Variants in ZMAT4 observed in about 807,000 individuals in gnomAD.
The protein encoded by ZMAT4 is zinc finger matrin-type 4, also known as zinc finger matrin-type protein 4.
ZMAT4 carries 17 observed loss-of-function variants against 28.7 expected under a neutral mutation model. The observed-to-expected ratio is 0.59, with a 90% CI of 0.41 to 0.89. The LOEUF (loss-of-function observed/expected upper bound fraction) is 0.89. ZMAT4 is among the 40% of genes least tolerant of loss of function. The pLI is 0.00. For missense variants in ZMAT4, 240 were observed against 283.8 expected (o/e 0.85, Z 1.11); for synonymous variants, 117 against 109.2 (o/e 1.07, Z -0.44).
intron 5 of ZMAT4, among the ~76,000 whole-genome samples, chr8:40,639,537 G>A (rs1236501804): frequency 6.6e-6 from 1 of 151,998 alleles, no homozygotes. Flanking sequence ...CATTTTTCTT[G>A]GGGTCAAAGT....
At chr8:40,609,700 C>T (rs1805725412) in intron 5 of ZMAT4, among the ~76,000 whole-genome samples, 1 of 151,860 alleles carries the variant, frequency 6.6e-6, no homozygotes. Flanking sequence ...TTTCTTCTTA[C>T]CTATTCTCAC....
intron 2 of ZMAT4, among the ~76,000 whole-genome samples, chr8:40,795,669 T>C (rs538646582): frequency 6.6e-6 from 1 of 152,328 alleles, no homozygotes; most frequent in African/African-American, 2.4e-5. Context: ...GGATATAAAC[T>C]TTCAATCCCC....
At chr8:40,861,933 A>G (rs1421523605) in intron 1 of ZMAT4, among the ~76,000 whole-genome samples, 1 of 152,120 alleles carries the variant, frequency 6.6e-6, no homozygotes, top group Non-Finnish European at 1.5e-5. Flanking sequence ...GGTGCTGGAG[A>G]GGATGTGGAG....
intron 2 of ZMAT4, among the ~76,000 whole-genome samples, chr8:40,795,773 C>T (rs929140650): frequency 1.3e-5 from 2 of 152,286 alleles, no homozygotes; most frequent in East Asian, 1.9e-4. Context: ...AATTGCAAAC[C>T]GATGACATTC....
intron 3 of ZMAT4, among the ~76,000 whole-genome samples, chr8:40,715,457 A>C (rs910360097): frequency 3.3e-5 from 5 of 152,228 alleles, no homozygotes; most frequent in African/African-American, 1.2e-4. Context: ...CCTGAAAGGC[A>C]AGCCTCTAAA....
intron 1 of ZMAT4, among the ~76,000 whole-genome samples, chr8:40,843,801 C>A (rs1229027028): frequency 6.6e-6 from 1 of 152,198 alleles, no homozygotes; most frequent in Non-Finnish European, 1.5e-5. Flanking sequence ...ATGGCAGAAG[C>A]TATCAGAGAA....
intron 4 of ZMAT4, among the ~76,000 whole-genome samples, chr8:40,696,483 T>A (rs1290788839): frequency 6.6e-6 from 1 of 152,224 alleles, no homozygotes; most frequent in Non-Finnish European, 1.5e-5. Flanking sequence ...CTAACCTGTT[T>A]GGTCACATTT....
At position 40,790,274 on chromosome 8, in the gene ZMAT4, TA is replaced by T. The variant is rs1381517618; in HGVS notation, c.103-22545del. Among the ~76,000 whole-genome samples, 3 of 152,350 alleles carry T rather than the reference TA, an allele frequency of 2.0e-5. No homozygotes were observed. In the East Asian group the frequency reaches 5.8e-4, roughly 29 times the overall value. The stretch of plus-strand genomic sequence containing the variant: ...GCAGTAGAAAATACAGAATCTATTT[TA>T]AAAGCTTCTAGATCTAATTGGTAGG... On this transcript the variant is annotated intron_variant, in intron 2 of 6. Transcript: ENST00000297737.
intron 5 of ZMAT4, among the ~76,000 whole-genome samples, chr8:40,650,338 A>C (rs201365084): frequency 0.072 from 10,813 of 149,252 alleles, 773 homozygotes; most frequent in East Asian, 0.42. Context: ...GAAATGGATA[A>C]ATTCCTCGAC....
intron 2 of ZMAT4, among the ~76,000 whole-genome samples, chr8:40,783,998 C>T (rs192459087): frequency 1.6e-4 from 24 of 152,138 alleles, no homozygotes; most frequent in African/African-American, 5.1e-4. Context: ...GCAACAAGAG[C>T]GAAACTCCAT....
At chr8:40,828,406 T>A (rs181944529) in intron 1 of ZMAT4, among the ~76,000 whole-genome samples, 1 of 152,068 alleles carries the variant, frequency 6.6e-6, no homozygotes, top group African/African-American at 2.4e-5. Flanking sequence ...GCACACTCCT[T>A]CCTCATTATA....
chr8:40,696,118 CA>C (rs897259470), intron 4 of ZMAT4, among the ~76,000 whole-genome samples: 4 of 152,142 alleles, frequency 2.6e-5, no homozygotes, highest in Non-Finnish European at 5.9e-5. Flanking sequence ...TGCCCCCAAA[CA>C]TACTGAGCTT....
intron 6 of ZMAT4, among the ~76,000 whole-genome samples, chr8:40,574,949 C>G (rs1396048500): frequency 6.6e-6 from 1 of 152,172 alleles, no homozygotes; most frequent in Non-Finnish European, 1.5e-5. Flanking sequence ...ATGATCTAAG[C>G]TGCTGCAGCA....
chr8:40,838,121 GGGA>G (rs1816565163), intron 1 of ZMAT4, among the ~76,000 whole-genome samples: 1 of 152,196 alleles, frequency 6.6e-6, no homozygotes. Flanking sequence ...CCTGATGCTG[GGGA>G]GGAGGCACAC....
At chr8:40,757,379 C>A (rs1812740306) in intron 3 of ZMAT4, among the ~76,000 whole-genome samples, 1 of 152,082 alleles carries the variant, frequency 6.6e-6, no homozygotes, top group African/African-American at 2.4e-5. Flanking sequence ...CACGCATGCA[C>A]ACAAACACCC....
At chr8:40,757,475 A>G (rs1370614712) in intron 3 of ZMAT4, among the ~76,000 whole-genome samples, 2 of 151,984 alleles carry the variant, frequency 1.3e-5, no homozygotes, top group African/African-American at 2.4e-5. Context: ...AGTCCCAACT[A>G]CTTGGGAGGC....
At chr8:40,591,975 T>C (rs974715741) in intron 5 of ZMAT4, among the ~76,000 whole-genome samples, 9 of 5,866 alleles carry the variant, frequency 1.5e-3, no homozygotes, top group Non-Finnish European at 1.9e-3. Context: ...AGGTCTTTTA[T>C]GGAAAAAAAA....
chr8:40,771,992 G>T (rs1206009028), intron 2 of ZMAT4, among the ~76,000 whole-genome samples: 2 of 152,146 alleles, frequency 1.3e-5, no homozygotes, highest in African/African-American at 4.8e-5. Context: ...ATACCCACTT[G>T]TTAAATGTAT....
chr8:40,846,549 C>T lies in ZMAT4; in HGVS notation c.-4-20869G>A, dbSNP rs1429220210. 2.6e-5 allele frequency among the ~76,000 whole-genome samples: 4 copies of T among 152,216 alleles called. No individual in the cohort carries two copies. The South Asian group carries it at 6.2e-4, about 24-fold the overall frequency. ...TAAAATCATTGCGCTGTTTGTTTTT[C>T]ATTTCCTTTGATAAATGGTGAAAAC... On this transcript the variant is annotated intron_variant, in intron 1 of 6. Transcript: ENST00000297737.
Sources: allele counts gnomAD v4.1 joint callset (sites outside exome capture counted in the v4.1 genomes callset), GRCh38; gene constraint gnomAD v4.1.1; transcripts MANE v1.5; gene names NCBI Gene and HGNC (gene_info 2026-07-23, HGNC 2026-07-21).